The following HMBOX1 variants were observed in gnomAD, a reference collection of about 807,000 sequenced individuals.
HMBOX1 encodes the protein homeobox containing 1.
In HMBOX1, 14 loss-of-function variants were observed where a neutral mutation model predicts 54.5. The observed-to-expected ratio is 0.26, with a 90% CI of 0.17 to 0.40. The LOEUF is 0.40. Among genes scored for constraint, HMBOX1 ranks in the 10% least tolerant of loss-of-function variants. The pLI is 1.00. For synonymous variants in HMBOX1, 160 were observed against 181.0 expected (o/e 0.88, Z 0.93); for missense variants, 332 against 514.4 (o/e 0.65, Z 3.43).
chr8:28,965,168 T>C (rs1210481736), intron 2 of HMBOX1, among the ~76,000 whole-genome samples: 2 of 152,242 alleles, frequency 1.3e-5, no homozygotes, highest in Non-Finnish European at 2.9e-5. Flanking sequence ...CTCTGTGCCT[T>C]GCACAGGATC....
In HMBOX1 at chr8:28,963,899, C is replaced by G. The variant is rs2132280296; in HGVS notation, c.23+9C>G. ...AGTTCCTTTCCAGTGGTGTAAGTAT[C>G]AAGTCCTTTTTGATTTTTATCTTCA... On this transcript the variant is annotated intron_variant, in intron 2 of 9. Coordinates refer to ENST00000287701, the MANE Select transcript of HMBOX1 (RefSeq NM_001135726.3). 6.3e-7 allele frequency: 1 copy of G among 1,596,258 alleles called. No individual in the cohort carries two copies. Among genetic ancestry groups the G allele is most frequent in the Non-Finnish European group, 8.6e-7 (1 of 1,167,606 alleles).
chr8:28,906,669 A>G (rs185261681), intron 1 of HMBOX1, among the ~76,000 whole-genome samples: 28 of 152,284 alleles, frequency 1.8e-4, no homozygotes, highest in African/African-American at 6.7e-4. Flanking sequence ...AGCTCACTGC[A>G]ACCTCCGCCT....
intron 2 of HMBOX1, among the ~76,000 whole-genome samples, chr8:28,964,360 C>G (rs1826095539): frequency 6.6e-6 from 1 of 152,094 alleles, no homozygotes. Context: ...GTAGTTAAGC[C>G]TATTAGCTGA....
chr8:28,946,976 T>C (rs1483749894), intron 1 of HMBOX1, among the ~76,000 whole-genome samples: 1 of 152,172 alleles, frequency 6.6e-6, no homozygotes, highest in Non-Finnish European at 1.5e-5. Context: ...ATGGATACTT[T>C]AGAAGATAAA....
At chr8:28,939,757 G>A (rs1465562744) in intron 1 of HMBOX1, among the ~76,000 whole-genome samples, 1 of 152,092 alleles carries the variant, frequency 6.6e-6, no homozygotes, top group Non-Finnish European at 1.5e-5. Flanking sequence ...TGATCCACCC[G>A]CCTCGGCCTC....
chr8:28,901,760 CT>C, intron 1 of HMBOX1, among the ~76,000 whole-genome samples: 1 of 152,292 alleles, frequency 6.6e-6, no homozygotes, highest in East Asian at 1.9e-4. Flanking sequence ...CCTTTCCTCC[CT>C]TTTCCATGTC....
At chr8:28,923,053 G>T (rs1376037498) in intron 1 of HMBOX1, among the ~76,000 whole-genome samples, 1 of 152,106 alleles carries the variant, frequency 6.6e-6, no homozygotes, top group Non-Finnish European at 1.5e-5. Context: ...CTATTTTAAT[G>T]AGTACAATTC....
At chr8:28,911,164 C>G (rs138951393) in intron 1 of HMBOX1, among the ~76,000 whole-genome samples, 1,655 of 152,234 alleles carry the variant, frequency 0.011, 33 homozygotes, top group African/African-American at 0.038. Context: ...CCTATTTAAC[C>G]TAGAAGTAAA....
intron 6 of HMBOX1, among the ~76,000 whole-genome samples, chr8:29,036,091 A>T (rs1287884540): frequency 6.6e-6 from 1 of 152,100 alleles, no homozygotes; most frequent in African/African-American, 2.4e-5. Flanking sequence ...TGTACTAAAA[A>T]CTCACCTTCT....
At chr8:28,958,463 A>G (rs1348247870) in intron 1 of HMBOX1, among the ~76,000 whole-genome samples, 6 of 152,146 alleles carry the variant, frequency 3.9e-5, no homozygotes, top group Non-Finnish European at 7.4e-5. Context: ...TCTAATTCCT[A>G]ATTTTATTCG....
chr8:28,916,341 A>G (rs2131727658), intron 1 of HMBOX1, among the ~76,000 whole-genome samples: 1 of 152,308 alleles, frequency 6.6e-6, no homozygotes, highest in Non-Finnish European at 1.5e-5. Flanking sequence ...GTATGTGCCA[A>G]TCAGGAATTA....
chr8:29,049,123 G>A (rs1236761765), intron 9 of HMBOX1, 75 bp downstream of exon 9: 1 of 1,503,166 alleles, frequency 6.7e-7, no homozygotes, highest in Non-Finnish European at 9.2e-7. Flanking sequence ...AGTTCCTTGG[G>A]TGTGGCTGAT....
intron 6 of HMBOX1, among the ~76,000 whole-genome samples, chr8:29,041,337 C>T (rs1804783929): frequency 6.6e-6 from 1 of 152,180 alleles, no homozygotes; most frequent in African/African-American, 2.4e-5. Flanking sequence ...TTTTGCAATA[C>T]CTCTTTGCCT....
chr8:28,942,795 A>G (rs566105449), intron 1 of HMBOX1, among the ~76,000 whole-genome samples: 189 of 152,132 alleles, frequency 1.2e-3, no homozygotes, highest in Non-Finnish European at 2.2e-3. Flanking sequence ...ATCTTTTGGT[A>G]TTACAAATAA....
chr8:29,033,710 C>T (rs781233273), intron 6 of HMBOX1, among the ~76,000 whole-genome samples: 1 of 152,104 alleles, frequency 6.6e-6, no homozygotes, highest in Non-Finnish European at 1.5e-5. Flanking sequence ...TTTCTCTAGT[C>T]CCCAAGCCAA....
chr8:28,929,278 G>A (rs1361665653), intron 1 of HMBOX1, among the ~76,000 whole-genome samples: 4 of 152,162 alleles, frequency 2.6e-5, no homozygotes, highest in African/African-American at 9.7e-5. Context: ...AGCAGTGAAA[G>A]CATATGAAGT....
chr8:29,038,832 T>TC (rs1804352955), intron 6 of HMBOX1, among the ~76,000 whole-genome samples: 1 of 152,180 alleles, frequency 6.6e-6, no homozygotes, highest in Non-Finnish European at 1.5e-5. Context: ...AAATTACAGC[T>TC]CCCAGTTGCC....
At chr8:29,038,812 C>G (rs1804349953) in intron 6 of HMBOX1, among the ~76,000 whole-genome samples, 1 of 152,152 alleles carries the variant, frequency 6.6e-6, no homozygotes, top group African/African-American at 2.4e-5. Flanking sequence ...TCTTAGAATA[C>G]CTCTGCTTTA....
At chr8:28,965,650 T>TG (rs1274057024) in intron 2 of HMBOX1, among the ~76,000 whole-genome samples, 2 of 152,242 alleles carry the variant, frequency 1.3e-5, no homozygotes, top group East Asian at 3.9e-4. Context: ...GGCCCCTCAG[T>TG]GCTAGAAAAT....
Sources: allele counts gnomAD v4.1 joint callset (sites outside exome capture counted in the v4.1 genomes callset), GRCh38; gene constraint gnomAD v4.1.1; transcripts MANE v1.5; gene names NCBI Gene and HGNC (gene_info 2026-07-23, HGNC 2026-07-21).